Variants in TBC1D22A observed in about 807,000 individuals in gnomAD.
TBC1D22A encodes putative GTPase activator.
In TBC1D22A, 38 loss-of-function variants were observed where a neutral mutation model predicts 60.2. That is an observed-to-expected ratio of 0.63 (90% CI 0.49 to 0.83). The LOEUF is 0.83. TBC1D22A is among the 40% of genes least tolerant of loss of function. TBC1D22A has a pLI of 0.00. For synonymous variants in TBC1D22A, 302 were observed against 281.7 expected, an observed-to-expected ratio of 1.07 and a Z score of -0.72; for missense variants, 628 against 701.0, an observed-to-expected ratio of 0.90 and a Z score of 1.18.
chr22:47,160,285 T>G (rs2147202100), intron 12 of TBC1D22A, among the ~76,000 whole-genome samples: 1 of 152,256 alleles, frequency 6.6e-6, no homozygotes, highest in East Asian at 1.9e-4. Context: ...ACAGGGTGGG[T>G]GCCCAGCAGA....
intron 1 of TBC1D22A, 100 bp from the exon 2 acceptor site, chr22:46,792,420 T>A: frequency 6.6e-7 from 1 of 1,518,844 alleles, no homozygotes; most frequent in Middle Eastern, 1.7e-4. Context: ...CTTCCTTCAG[T>A]CCTGTGGGTT....
chr22:47,015,184 ACATG>A (rs2061867227), intron 10 of TBC1D22A, among the ~76,000 whole-genome samples: 1 of 152,232 alleles, frequency 6.6e-6, no homozygotes, highest in East Asian at 1.9e-4. Context: ...GTGTGACCGG[ACATG>A]GTGCTGAAGG....
chr22:46,929,471 G>A (rs1466628730), intron 8 of TBC1D22A, among the ~76,000 whole-genome samples: 2 of 152,158 alleles, frequency 1.3e-5, no homozygotes, highest in African/African-American at 4.8e-5. Context: ...GGCTTGACAG[G>A]ACAAACATCT....
rs59641462 is a variant in TBC1D22A, at chr22:47,007,951, A to T, written c.1201+10242A>T. 1.2e-4 allele frequency among the ~76,000 whole-genome samples: 18 copies of T among 152,356 alleles called. No individual in the cohort carries two copies. The East Asian group carries it at 3.5e-3, about 29-fold the overall frequency. On this transcript the variant is annotated intron_variant, in intron 10 of 12. Transcript: ENST00000337137. Reference sequence around the variant, plus strand: ...CAAGATACAGTTCATGGAAGAAATGATCATCATTATCATTCATTAGCAGGA... The same window carrying T: ...CAAGATACAGTTCATGGAAGAAATGTTCATCATTATCATTCATTAGCAGGA...
intron 9 of TBC1D22A, among the ~76,000 whole-genome samples, chr22:46,995,529 G>A (rs911597823): frequency 2.0e-5 from 3 of 152,218 alleles, no homozygotes; most frequent in Non-Finnish European, 4.4e-5. Flanking sequence ...GTGTGTGTGT[G>A]TGTGAGAGAG....
intron 4 of TBC1D22A, among the ~76,000 whole-genome samples, chr22:46,875,275 AAAAT>A (rs1229287096): frequency 2.0e-5 from 3 of 152,224 alleles, no homozygotes; most frequent in Admixed American, 1.3e-4. Flanking sequence ...CATTCTGAGC[AAAAT>A]AAATAGGACA....
rs190618341 is a variant in TBC1D22A, at chr22:47,007,688, G to A, written c.1201+9979G>A. ...TAGCCCTTCCTGGGTGGGTGCCTGT[G>A]GGGGTAGCGGTGGTGGGGAGGGGTG... On this transcript the variant is annotated intron_variant, in intron 10 of 12. Coordinates refer to ENST00000337137, the MANE Select transcript of TBC1D22A (RefSeq NM_014346.5). 1.1e-4 allele frequency among the ~76,000 whole-genome samples: 17 copies of A among 152,160 alleles called. No homozygotes were observed. The East Asian group carries it at 3.1e-3, about 28-fold the overall frequency.
chr22:47,040,238 C>T (rs938509413), intron 11 of TBC1D22A, among the ~76,000 whole-genome samples: 1 of 152,184 alleles, frequency 6.6e-6, no homozygotes, highest in African/African-American at 2.4e-5. Flanking sequence ...AGCCACCACG[C>T]CTGGCCGGTG....
chr22:46,874,585 T>A (rs1046271458), intron 4 of TBC1D22A, among the ~76,000 whole-genome samples: 5 of 135,442 alleles, frequency 3.7e-5, no homozygotes, highest in African/African-American at 1.5e-4. Context: ...TTTTTTTTTT[T>A]TTTTTTTGAG....
At chr22:46,896,000 TC>T (rs1429822682) in intron 7 of TBC1D22A, among the ~76,000 whole-genome samples, 1 of 152,132 alleles carries the variant, frequency 6.6e-6, no homozygotes, top group East Asian at 1.9e-4. Flanking sequence ...GTGTGAGTGT[TC>T]CCTCCGCACG....
At chr22:46,855,339 T>G (rs1295926981) in intron 4 of TBC1D22A, among the ~76,000 whole-genome samples, 1 of 152,174 alleles carries the variant, frequency 6.6e-6, no homozygotes, top group Non-Finnish European at 1.5e-5. Flanking sequence ...ACTAGACAGG[T>G]GGAGGGTTTT....
chr22:46,927,856 A>C (rs2071135981), intron 8 of TBC1D22A, among the ~76,000 whole-genome samples: 1 of 152,242 alleles, frequency 6.6e-6, no homozygotes, highest in South Asian at 2.1e-4. Context: ...ACTTAGACAT[A>C]AATTTAGCAA....
intron 11 of TBC1D22A, among the ~76,000 whole-genome samples, chr22:47,039,611 G>A (rs1432914849): frequency 2.0e-5 from 3 of 150,280 alleles, no homozygotes; most frequent in African/African-American, 7.4e-5. Flanking sequence ...AGGCTTGGAA[G>A]AGGAGCCAAT....
intron 12 of TBC1D22A, among the ~76,000 whole-genome samples, chr22:47,121,756 T>G (rs1264312576): frequency 1.3e-5 from 2 of 152,192 alleles, no homozygotes; most frequent in South Asian, 2.1e-4. Context: ...TCAATATGTG[T>G]AAACATGGTT....
chr22:47,128,795 G>A (rs774951965), intron 12 of TBC1D22A, among the ~76,000 whole-genome samples: 8 of 152,162 alleles, frequency 5.3e-5, no homozygotes, highest in South Asian at 2.1e-4. Flanking sequence ...ACCTGGCGAC[G>A]GTGTAACTGG....
intron 8 of TBC1D22A, among the ~76,000 whole-genome samples, chr22:46,967,880 A>G (rs1168986260): frequency 6.6e-6 from 1 of 151,940 alleles, no homozygotes; most frequent in East Asian, 1.9e-4. Context: ...ACCCCCTGGT[A>G]ATTACAAGCT....
intron 7 of TBC1D22A, among the ~76,000 whole-genome samples, chr22:46,902,240 G>T (rs2069050438): frequency 6.6e-6 from 1 of 152,374 alleles, no homozygotes; most frequent in South Asian, 2.1e-4. Context: ...TGGCAAGCAA[G>T]CTGGGAATAC....
chr22:47,010,825 A>G (rs1047882536), intron 10 of TBC1D22A, among the ~76,000 whole-genome samples: 18 of 147,614 alleles, frequency 1.2e-4, no homozygotes, highest in African/African-American at 4.6e-4. Context: ...CATATAGAAC[A>G]ACAACAACAA....
intron 1 of TBC1D22A, among the ~76,000 whole-genome samples, chr22:46,783,858 G>A (rs1601846262): frequency 6.6e-6 from 1 of 152,082 alleles, no homozygotes; most frequent in African/African-American, 2.4e-5. Context: ...ATCTTTTTTA[G>A]CATTATAGAC....
Sources: gnomAD v4.1 joint callset for allele counts (sites outside exome capture counted in the v4.1 genomes callset) on GRCh38, gnomAD v4.1.1 for gene constraint, MANE v1.5 for transcripts, NCBI Gene and HGNC (gene_info 2026-07-23, HGNC 2026-07-21) for gene names.